Variants in DPP6 observed in about 807,000 individuals in gnomAD.
The protein encoded by DPP6 is dipeptidyl peptidase like 6, also known as A-type potassium channel modulatory protein DPP6.
In DPP6, 69 loss-of-function variants were observed where a neutral mutation model predicts 122.6. The observed-to-expected ratio is 0.56, with a 90% confidence interval of 0.46 to 0.69. DPP6 has a LOEUF of 0.69. Ranked by LOEUF, DPP6 falls within the 30% of genes least tolerant of loss-of-function variation. The pLI is 0.00. For synonymous variants in DPP6, 418 were observed against 433.1 expected (o/e 0.97, Z 0.43); for missense variants, 928 against 1,116.9 (o/e 0.83, Z 2.41).
At chr7:154,514,212 G>A (rs901591903) in intron 3 of DPP6, among the ~76,000 whole-genome samples, 1 of 152,064 alleles carries the variant, frequency 6.6e-6, no homozygotes, top group Non-Finnish European at 1.5e-5. Context: ...GGAGGCAGAG[G>A]TTGTGGTGAG....
chr7:153,783,483 ACT>A, the DPP6 span, among the ~76,000 whole-genome samples: 1 of 152,158 alleles, frequency 6.6e-6, no homozygotes, highest in Admixed American at 6.5e-5. Context: ...GGGGATTACA[ACT>A]CAACGTGAGA....
intron 1 of DPP6, among the ~76,000 whole-genome samples, chr7:154,310,408 G>A (rs752308393): frequency 6.6e-6 from 1 of 152,182 alleles, no homozygotes; most frequent in Admixed American, 6.5e-5. Context: ...ATCAGCAAGT[G>A]CCATTTAGCA....
intron 5 of DPP6, among the ~76,000 whole-genome samples, chr7:154,627,000 C>CTTTTTTTTTTT (rs552919287): frequency 2.3e-4 from 12 of 52,092 alleles, no homozygotes; most frequent in East Asian, 7.7e-4. Context: ...GAAATTTTTT[C>CTTTTTTTTTTT]TTTTTTTTTT....
At chr7:154,262,625 TAA>T (rs1344803673) in intron 1 of DPP6, among the ~76,000 whole-genome samples, 1 of 139,180 alleles carries the variant, frequency 7.2e-6, no homozygotes, top group African/African-American at 2.7e-5. Context: ...GGCTTTATTT[TAA>T]ATATGTTAGA....
intron 1 of DPP6, among the ~76,000 whole-genome samples, chr7:154,263,555 G>C (rs1322058415): frequency 6.6e-6 from 1 of 152,198 alleles, no homozygotes; most frequent in African/African-American, 2.4e-5. Context: ...GTTTCCATGA[G>C]AAGTGGGTGC....
chr7:154,497,787 G>A (rs1824880673), intron 3 of DPP6, among the ~76,000 whole-genome samples: 1 of 152,080 alleles, frequency 6.6e-6, no homozygotes, highest in Admixed American at 6.6e-5. Context: ...GCCTGGGAAG[G>A]AATAAAACAA....
At chr7:154,125,449 A>G (rs1807808694) in intron 1 of DPP6, among the ~76,000 whole-genome samples, 1 of 152,182 alleles carries the variant, frequency 6.6e-6, no homozygotes, top group African/African-American at 2.4e-5. Flanking sequence ...TAAGAAACAT[A>G]ATGAAATGAT....
chr7:154,573,747 C>T (rs1198219778), intron 5 of DPP6, among the ~76,000 whole-genome samples: 1 of 152,228 alleles, frequency 6.6e-6, no homozygotes, highest in Non-Finnish European at 1.5e-5. Flanking sequence ...GCTCTTAGCA[C>T]AATGCGTGCA....
intron 1 of DPP6, among the ~76,000 whole-genome samples, chr7:154,182,213 G>A (rs940701269): frequency 3.9e-5 from 6 of 152,084 alleles, no homozygotes; most frequent in African/African-American, 4.8e-5. Flanking sequence ...AATTTATTTT[G>A]GAATAATTAT....
At chr7:154,705,354 C>G (rs929042492) in intron 7 of DPP6, among the ~76,000 whole-genome samples, 9 of 152,190 alleles carry the variant, frequency 5.9e-5, no homozygotes, top group African/African-American at 1.9e-4. Context: ...TGCTATTTTC[C>G]TTTCCTGCTT....
intron 5 of DPP6, among the ~76,000 whole-genome samples, chr7:154,576,648 G>A (rs1831693027): frequency 6.6e-6 from 1 of 152,108 alleles, no homozygotes; most frequent in South Asian, 2.1e-4. Flanking sequence ...GTGTGATCTG[G>A]AGACAGAATG....
chr7:153,971,986 A>G (rs6948303), intron 1 of DPP6, among the ~76,000 whole-genome samples: 6,753 of 148,692 alleles, frequency 0.045, 736 homozygotes, highest in African/African-American at 0.15. Context: ...TGTCTATTAC[A>G]GATGACTCTC....
chr7:154,211,906 T>C (rs868293032), intron 1 of DPP6, among the ~76,000 whole-genome samples: 2 of 152,352 alleles, frequency 1.3e-5, no homozygotes, highest in Middle Eastern at 3.4e-3. Flanking sequence ...CTCCCCATTA[T>C]GAATTGACGT....
intron 1 of DPP6, among the ~76,000 whole-genome samples, chr7:153,982,031 CCTT>C (rs1346723584): frequency 6.6e-6 from 1 of 151,932 alleles, no homozygotes; most frequent in Non-Finnish European, 1.5e-5. Flanking sequence ...TTGGGGTTGC[CCTT>C]CTTGAGGAGT....
chr7:154,818,198 G>A (rs1269987212), intron 16 of DPP6, among the ~76,000 whole-genome samples: 11 of 152,130 alleles, frequency 7.2e-5, no homozygotes, highest in Admixed American at 5.2e-4. Context: ...ATGAAGAGAC[G>A]CAGATTGAGA....
chr7:153,868,201 G>T, the DPP6 span, among the ~76,000 whole-genome samples: 1 of 151,908 alleles, frequency 6.6e-6, no homozygotes, highest in African/African-American at 2.4e-5. Context: ...TTTTTCTATT[G>T]ATTGGAATAG....
chr7:154,520,064 G>A (rs534960470), intron 3 of DPP6, among the ~76,000 whole-genome samples: 1 of 152,268 alleles, frequency 6.6e-6, no homozygotes, highest in African/African-American at 2.4e-5. Context: ...GCTGCAATGG[G>A]ATTAGAACCA....
At chr7:154,535,531 CTCCCCTAGTCCCCCA>C (rs1470734739) in intron 3 of DPP6, among the ~76,000 whole-genome samples, 1 of 151,806 alleles carries the variant, frequency 6.6e-6, no homozygotes, top group Non-Finnish European at 1.5e-5. Context: ...AATGCTATCC[CTCCCCTAGTCCCCCA>C]TCCCCTGACA....
the DPP6 span, among the ~76,000 whole-genome samples, chr7:153,861,792 A>G: frequency 1.3e-5 from 2 of 152,218 alleles, no homozygotes; most frequent in Non-Finnish European, 2.9e-5. Context: ...GCTCCACAGG[A>G]GCATTCATCT....
Sources: gnomAD v4.1 joint callset for allele counts (sites outside exome capture counted in the v4.1 genomes callset) on GRCh38, gnomAD v4.1.1 for gene constraint, MANE v1.5 for transcripts, NCBI Gene and HGNC (gene_info 2026-07-23, HGNC 2026-07-21) for gene names.